The following CEP170 variants were observed in gnomAD, a reference collection of about 807,000 sequenced individuals.
CEP170 encodes the protein centrosomal protein of 170 kDa.
In CEP170, 21 loss-of-function variants were observed where a neutral mutation model predicts 151.9. The ratio of observed to expected loss-of-function variants is 0.14; its 90% CI spans 0.10 to 0.20. The LOEUF is 0.20. Among genes scored for constraint, CEP170 ranks in the 10% least tolerant of loss-of-function variants. The probability of loss-of-function intolerance (pLI) is 1.00; values close to 1 mark genes in which losing one functional copy is unlikely to be tolerated. For synonymous variants in CEP170, 356 were observed against 648.8 expected (o/e 0.55, Z 6.86); for missense variants, 964 against 1,892.9 (o/e 0.51, Z 9.11).
At position 243,139,984 on chromosome 1, in the gene CEP170, G is replaced by A. The variant is rs184722564; in HGVS notation, c.4183C>T (p.Pro1395Ser). The change falls in exon 16 of 20, where the codon CCC (proline) becomes TCC (serine). Residue 1395 changes from proline to serine, a missense_variant. Pro to Ser is a moderately conservative substitution (Grantham distance 74, BLOSUM62 -1). Transcript: ENST00000366542. ...CGCCTTGTAATTGTTAAGTGATCGG[G>A]AGGCTCTGCTGCTTGAGGTCTTGGA... ...GDPRPQAAEPPDHLTITRRRT... is the reference protein window; with the variant it reads ...GDPRPQAAEPSDHLTITRRRT... The A allele has an allele frequency of 5.3e-4, 854 of 1,613,640 alleles. No homozygotes were observed. The highest frequency in any genetic ancestry group is 3.2e-4 in the Non-Finnish European group (375 of 1,179,662).
At chr1:243,202,904 T>C (rs1243590477) in intron 4 of CEP170, among the ~76,000 whole-genome samples, 7 of 152,166 alleles carry the variant, frequency 4.6e-5, no homozygotes, top group African/African-American at 1.4e-4. Context: ...CAAGCTTACC[T>C]CCTGGGAGTG....
intron 7 of CEP170, among the ~76,000 whole-genome samples, chr1:243,194,006 C>G (rs545393624): frequency 1.3e-5 from 2 of 151,810 alleles, no homozygotes; most frequent in African/African-American, 4.8e-5. Context: ...TACCAAAACC[C>G]AACTCTAAAA....
intron 14 of CEP170, among the ~76,000 whole-genome samples, chr1:243,154,376 C>A (rs2057374360): frequency 6.6e-6 from 1 of 152,182 alleles, no homozygotes; most frequent in African/African-American, 2.4e-5. Context: ...TGATTCATAG[C>A]CATTTGAAAA....
chr1:243,126,590 T>C lies in CEP170; in HGVS notation c.4614A>G (p.Gln1538=), dbSNP rs778960342. ...HSPGQTPTLG[Q]PEARALHPAA... ...CAGGATGAAGAGCCCTAGCTTCTGG[T>C]TGGCCAAGTGTTGGTGTCTGACCCG... Residue 1538 remains glutamine, a synonymous_variant, in exon 20 of 20, where the codon CAA becomes CAG. Coordinates refer to ENST00000366542, the MANE Select transcript of CEP170 (RefSeq NM_014812.3). 4 of 1,575,292 alleles carry C rather than the reference T, an allele frequency of 2.5e-6. No individual in the cohort carries two copies. Among genetic ancestry groups the C allele is most frequent in the African/African-American group, 1.3e-5 (1 of 74,228 alleles).
At chr1:243,200,057 A>G (rs2060923194) in intron 6 of CEP170, among the ~76,000 whole-genome samples, 3 of 152,064 alleles carry the variant, frequency 2.0e-5, no homozygotes, top group Admixed American at 6.6e-5. Context: ...CCAAAATGCA[A>G]GACTTAAATT....
At chr1:243,199,750 GC>G (rs1422371180) in intron 6 of CEP170, among the ~76,000 whole-genome samples, 1 of 151,260 alleles carries the variant, frequency 6.6e-6, no homozygotes, top group Non-Finnish European at 1.5e-5. Context: ...ATGTAGTAAT[GC>G]CTATTCATTT....
At chr1:243,156,539 A>T in intron 13 of CEP170, 84 bp from the exon 14 acceptor site, 1 of 1,312,424 alleles carries the variant, frequency 7.6e-7, no homozygotes. Flanking sequence ...TCAAAACACC[A>T]TGAGAGCGCA....
At chr1:243,138,144 T>A (rs1189737026) in intron 16 of CEP170, among the ~76,000 whole-genome samples, 6 of 152,244 alleles carry the variant, frequency 3.9e-5, no homozygotes, top group African/African-American at 1.4e-4. Context: ...ATTCCTGATA[T>A]CAACCTTGAG....
rs562556670 is a variant in CEP170 at position 243,126,043 on chromosome 1, TGAA to T, written c.*403_*405del. On this transcript the variant is annotated 3_prime_UTR_variant, in exon 20 of 20. Coordinates refer to ENST00000366542, the MANE Select transcript of CEP170 (RefSeq NM_014812.3). Reference sequence around the variant, plus strand: ...GAATGGTTTAACAAATCTGTACAGATGAAGAAGTCCATTTCAGGGAGCAGCTTG... The same window carrying T: ...GAATGGTTTAACAAATCTGTACAGATGAAGTCCATTTCAGGGAGCAGCTTG... The T allele has an allele frequency of 9.7e-4, 440 of 454,194 alleles. No individual in the cohort carries two copies. The highest frequency in any genetic ancestry group is 1.1e-3 in the Non-Finnish European group (243 of 227,002). 28.1% of individuals were successfully genotyped at this position (454,194 alleles called of 1,614,324 possible).
chr1:243,241,452 G>T (rs1054960865), intron 1 of CEP170, among the ~76,000 whole-genome samples: 2 of 152,106 alleles, frequency 1.3e-5, no homozygotes, highest in African/African-American at 4.8e-5. Context: ...ATAAAAGAAG[G>T]TGATGATATG....
intron 17 of CEP170, chr1:243,135,708 ATACTT>A (rs2054983555): frequency 6.4e-6 from 1 of 155,412 alleles, no homozygotes; most frequent in Non-Finnish European, 1.4e-5. Context: ...GTTTTTAAGA[ATACTT>A]TAATTTTCAA....
intron 17 of CEP170, among the ~76,000 whole-genome samples, chr1:243,135,001 T>C (rs186941847): frequency 2.1e-4 from 32 of 152,298 alleles, no homozygotes; most frequent in African/African-American, 7.0e-4. Flanking sequence ...CACTATTAGA[T>C]ATAATAAATA....
At chr1:243,135,374 T>C (rs2054935918) in intron 17 of CEP170, among the ~76,000 whole-genome samples, 1 of 151,944 alleles carries the variant, frequency 6.6e-6, no homozygotes, top group East Asian at 1.9e-4. Context: ...GCCCGGCTAA[T>C]TTTTTTGAAT....
At chr1:243,167,436 T>C (rs1423073274) in intron 12 of CEP170, among the ~76,000 whole-genome samples, 2 of 151,818 alleles carry the variant, frequency 1.3e-5, no homozygotes, top group African/African-American at 4.8e-5. Flanking sequence ...TTCTTTTTTT[T>C]CAAGTAGAAG....
In CEP170 at chr1:243,129,396, G is replaced by A. The variant is rs370386632; in HGVS notation, c.4377C>T (p.Ala1459=). 35 of 1,595,156 alleles carry A rather than the reference G, an allele frequency of 2.2e-5. No homozygotes were observed. Among genetic ancestry groups the A allele is most frequent in the African/African-American group, 1.7e-4 (13 of 74,522 alleles). The part of the protein sequence containing the change: ...NWDDIESKLR[A]ESEVPIVKTS... ...TTTTCACAATAGGGACTTCACTTTC[G>A]GCTCTTAATTTGCTTTCTATGTCAT... Residue 1459 remains alanine, a synonymous_variant, in exon 18 of 20, where the codon GCC becomes GCT. Transcript: ENST00000366542.
intron 1 of CEP170, among the ~76,000 whole-genome samples, chr1:243,226,187 A>ATC (rs529401972): frequency 6.0e-5 from 2 of 33,456 alleles, no homozygotes; most frequent in African/African-American, 1.2e-4. Flanking sequence ...ATATCTAGAT[A>ATC]TATATATCTA....
chr1:243,140,741 A>C (rs1216292007), intron 15 of CEP170, among the ~76,000 whole-genome samples: 1 of 152,234 alleles, frequency 6.6e-6, no homozygotes, highest in Non-Finnish European at 1.5e-5. Flanking sequence ...TTTACTGAAG[A>C]GGGACTCAAC....
In CEP170 at chr1:243,150,181, C is replaced by T. The variant is rs2056925584; in HGVS notation, c.3911+6040G>A. On this transcript the variant is annotated intron_variant, in intron 14 of 19. Coordinates refer to ENST00000366542, the MANE Select transcript of CEP170 (RefSeq NM_014812.3). ...TACATCTATTTTTTAGACAGAATCTCGCTCTGTCACCCTGGCTGGAGTGCA... is the reference window on the plus strand; with the variant it reads ...TACATCTATTTTTTAGACAGAATCTTGCTCTGTCACCCTGGCTGGAGTGCA... Among the ~76,000 whole-genome samples the T allele has an allele frequency of 3.3e-5, 5 of 152,150 alleles. No individual in the cohort carries two copies. In the South Asian group the frequency reaches 6.2e-4, roughly 19 times the overall value.
intron 14 of CEP170, among the ~76,000 whole-genome samples, chr1:243,150,830 G>A (rs2056997229): frequency 1.3e-5 from 2 of 152,234 alleles, no homozygotes; most frequent in Middle Eastern, 3.4e-3. Context: ...TCAACTTGTC[G>A]ACTCTCTCAG....
Sources: allele counts gnomAD v4.1 joint callset (sites outside exome capture counted in the v4.1 genomes callset), GRCh38; gene constraint gnomAD v4.1.1; transcripts MANE v1.5; gene names NCBI Gene and HGNC (gene_info 2026-07-23, HGNC 2026-07-21).